Variants in SYNPO2 observed in about 807,000 individuals in gnomAD.
SYNPO2 encodes synaptopodin 2.
In SYNPO2, 56 loss-of-function variants were observed where a neutral mutation model predicts 85.0. The observed-to-expected ratio is 0.66, with a 90% CI of 0.53 to 0.82. The LOEUF (loss-of-function observed/expected upper bound fraction) is 0.82. Ranked by LOEUF, SYNPO2 falls within the 40% of genes least tolerant of loss-of-function variation. The probability of loss-of-function intolerance (pLI) is 0.00; values close to 1 mark genes in which losing one functional copy is unlikely to be tolerated. For synonymous variants in SYNPO2, 602 were observed against 591.1 expected, an observed-to-expected ratio of 1.02 and a Z score of -0.27; for missense variants, 1,575 against 1,534.2, an observed-to-expected ratio of 1.03 and a Z score of -0.44.
At chr4:118,878,928 C>T (rs994995174) in intron 1 of SYNPO2, among the ~76,000 whole-genome samples, 6 of 152,168 alleles carry the variant, frequency 3.9e-5, no homozygotes, top group African/African-American at 1.2e-4. Context: ...TACTGCTGTT[C>T]AGTTTTTGGG....
chr4:119,002,881 T>A (rs1340992667), intron 1 of SYNPO2, among the ~76,000 whole-genome samples: 1 of 152,194 alleles, frequency 6.6e-6, no homozygotes, highest in Non-Finnish European at 1.5e-5. Context: ...GAGTATATTT[T>A]CCTCTATTGT....
intron 1 of SYNPO2, among the ~76,000 whole-genome samples, chr4:118,946,834 C>G (rs527774337): frequency 6.6e-6 from 1 of 152,072 alleles, no homozygotes; most frequent in African/African-American, 2.4e-5. Flanking sequence ...GAATGCTATG[C>G]GTGTTTTAAG....
chr4:118,935,859 T>C (rs1248701041), intron 1 of SYNPO2, among the ~76,000 whole-genome samples: 3 of 152,224 alleles, frequency 2.0e-5, no homozygotes, highest in Non-Finnish European at 2.9e-5. Context: ...TAAGTGGAAG[T>C]GAATCATTAC....
intron 1 of SYNPO2, among the ~76,000 whole-genome samples, chr4:118,917,110 G>A (rs1270360836): frequency 6.6e-6 from 1 of 152,138 alleles, no homozygotes; most frequent in African/African-American, 2.4e-5. Context: ...CAAAGAAACA[G>A]GCCAGGCACA....
intron 1 of SYNPO2, among the ~76,000 whole-genome samples, chr4:118,975,982 A>G (rs1735710849): frequency 1.3e-5 from 2 of 152,252 alleles, no homozygotes; most frequent in African/African-American, 4.8e-5. Context: ...AGTGCCGGCT[A>G]TGGAGACTGC....
At chr4:118,972,335 T>G (rs556720264) in intron 1 of SYNPO2, among the ~76,000 whole-genome samples, 1 of 151,972 alleles carries the variant, frequency 6.6e-6, no homozygotes, top group Non-Finnish European at 1.5e-5. Flanking sequence ...TCCCAGCTAC[T>G]TAGGAAGCTG....
chr4:119,050,745 G>A (rs1380306752), intron 4 of SYNPO2, among the ~76,000 whole-genome samples: 2 of 152,158 alleles, frequency 1.3e-5, no homozygotes, highest in African/African-American at 4.8e-5. Context: ...TATTGGGCCA[G>A]CTAAAGATTG....
intron 4 of SYNPO2, chr4:119,036,495 A>T: frequency 1.0e-6 from 1 of 985,414 alleles, no homozygotes. Context: ...TCTTCTCTAG[A>T]TGTCCTACCA....
chr4:119,003,596 T>C (rs996076653), intron 1 of SYNPO2, among the ~76,000 whole-genome samples: 45 of 152,346 alleles, frequency 3.0e-4, no homozygotes, highest in Non-Finnish European at 3.4e-4. Flanking sequence ...CTGTTTCTGT[T>C]TCATGGTTTG....
At chr4:118,933,829 G>GTTGT (rs1553939088) in intron 1 of SYNPO2, among the ~76,000 whole-genome samples, 3 of 102,318 alleles carry the variant, frequency 2.9e-5, no homozygotes, top group African/African-American at 1.0e-4. Flanking sequence ...TGTTGTTGTT[G>GTTGT]TTTTTTTTTT....
intron 2 of SYNPO2, 26 bp downstream of exon 2, chr4:119,023,607 A>AT (rs1216609596): frequency 2.4e-5 from 38 of 1,599,416 alleles, no homozygotes; most frequent in Non-Finnish European, 3.1e-5. Flanking sequence ...TGGAATATGT[A>AT]TTTTCTCTTG....
At chr4:119,017,853 T>C (rs1191617661) in intron 1 of SYNPO2, among the ~76,000 whole-genome samples, 3 of 152,160 alleles carry the variant, frequency 2.0e-5, no homozygotes, top group Non-Finnish European at 2.9e-5. Context: ...CAAGCTGGCA[T>C]GATTGATAGG....
intron 1 of SYNPO2, among the ~76,000 whole-genome samples, chr4:118,948,266 A>C (rs1326133417): frequency 2.0e-5 from 3 of 152,196 alleles, no homozygotes; most frequent in Non-Finnish European, 4.4e-5. Context: ...AACCAAGTAC[A>C]GGGTAAAACT....
intron 1 of SYNPO2, among the ~76,000 whole-genome samples, chr4:118,890,733 C>CTCTCTCTCTCTCTCTCTCTCTCTCTG (rs749295331): frequency 4.4e-4 from 56 of 126,188 alleles, no homozygotes; most frequent in African/African-American, 1.3e-3. Context: ...CTCTCTCTCT[C>CTCTCTCTCTCTCTCTCTCTCTCTCTG]TGTGTGTGTG....
chr4:118,997,137 G>A (rs1736632274), intron 1 of SYNPO2, among the ~76,000 whole-genome samples: 1 of 148,074 alleles, frequency 6.8e-6, no homozygotes, highest in Admixed American at 6.8e-5. Flanking sequence ...CTACTTGGGA[G>A]GCTGAGGCAG....
intron 1 of SYNPO2, among the ~76,000 whole-genome samples, chr4:118,862,914 G>A (rs1361960787): frequency 1.3e-5 from 2 of 151,818 alleles, no homozygotes; most frequent in African/African-American, 2.4e-5. Flanking sequence ...GGGTTCAAGC[G>A]ATTCTCCTGC....
In SYNPO2 at chr4:118,851,467, A is replaced by T. The variant is rs1331074300; in HGVS notation, c.12+527A>T. Among the ~76,000 whole-genome samples, 5 of 152,306 alleles carry T rather than the reference A, an allele frequency of 3.3e-5. No homozygotes were observed. In the East Asian group the frequency reaches 9.7e-4, roughly 29 times the overall value. ...GCACCATTGCACTCCAGCCTGGGCA[A>T]CAAGAGCAAAACTCCATCTCAAAAA... On this transcript the variant is annotated intron_variant, in intron 1 of 4. Coordinates refer to the SYNPO2 transcript ENST00000610556.
chr4:119,035,747 A>AT, intron 4 of SYNPO2: 2 of 981,922 alleles, frequency 2.0e-6, no homozygotes, highest in South Asian at 9.5e-5. Flanking sequence ...AGAAGCAGGC[A>AT]TTGTAGGACA....
chr4:118,999,589 A>G (rs1297607707), intron 1 of SYNPO2, among the ~76,000 whole-genome samples: 2 of 150,818 alleles, frequency 1.3e-5, no homozygotes, highest in Non-Finnish European at 3.0e-5. Flanking sequence ...GTATGTATGT[A>G]TGTATGTATG....
Sources: allele counts gnomAD v4.1 joint callset (sites outside exome capture counted in the v4.1 genomes callset), GRCh38; gene constraint gnomAD v4.1.1; transcripts MANE v1.5; gene names NCBI Gene and HGNC (gene_info 2026-07-23, HGNC 2026-07-21).